The following KLHL22 variants were observed in gnomAD, a reference collection of about 807,000 sequenced individuals.
KLHL22 encodes the protein kelch-like protein 22.
A neutral mutation model predicts 60.7 loss-of-function variants in KLHL22; 18 were observed. That is an observed-to-expected ratio of 0.30 (90% CI 0.20 to 0.44). KLHL22 has a LOEUF of 0.44. KLHL22 is among the 20% of genes least tolerant of loss of function. The pLI is 1.00. For synonymous variants in KLHL22, 355 were observed against 354.5 expected (o/e 1.00, Z -0.01); for missense variants, 596 against 852.3 (o/e 0.70, Z 3.74).
Position 20,481,385 on chromosome 22 carries a change from G to A in KLHL22, c.227+7600C>T, listed in dbSNP as rs545553669. ...TCAGGAGTTCAAGACCAGCCTGGCC[G>A]ACATGGTGAAACCCTGTCTCTTTCA... On this transcript the variant is annotated intron_variant, in intron 2 of 6. Coordinates refer to ENST00000328879, the MANE Select transcript of KLHL22 (RefSeq NM_032775.4). 2.1e-3 allele frequency: 314 copies of A among 151,848 alleles called. 1 individual carries two copies. The highest frequency in any genetic ancestry group is 9.8e-3 in the South Asian group (47 of 4,796). 9.4% of individuals were successfully genotyped at this position (151,848 alleles called of 1,614,324 possible). A position where few individuals can be genotyped will look rare whatever the true frequency, so the allele number is the denominator to read the frequency against.
chr22:20,489,357 C>G, intron 1 of KLHL22, 113 bp from the exon 2 acceptor site: 1 of 738,790 alleles, frequency 1.4e-6, no homozygotes. Flanking sequence ...TCAGGCTCAC[C>G]TGTTTTCCCT....
intron 5 of KLHL22, chr22:20,450,159 A>T (rs2052952522): frequency 1.3e-6 from 1 of 795,214 alleles, no homozygotes; most frequent in Non-Finnish European, 2.3e-6. Context: ...ATAATGACAA[A>T]TACTCATGCT....
chr22:20,471,625 G>A (rs1347138503), intron 2 of KLHL22, 110 bp from the exon 3 acceptor site: 1 of 1,167,428 alleles, frequency 8.6e-7, no homozygotes, highest in Non-Finnish European at 1.2e-6. Context: ...GCAGGGCCCT[G>A]GTAGTGGGCT....
rs1459117481 is a variant in KLHL22, at chr22:20,442,056, T to C, written c.*17A>G. ...CAGCCCCAGCCTCCCTTCCCTCTGA[T>C]GCCAGGCACAGGGAGCCTAGTCCTC... On this transcript the variant is annotated 3_prime_UTR_variant, in exon 7 of 7. Coordinates refer to ENST00000328879, the MANE Select transcript of KLHL22 (RefSeq NM_032775.4). The C allele has an allele frequency of 6.7e-6, 10 of 1,491,950 alleles. No homozygotes were observed. The highest frequency in any genetic ancestry group is 6.2e-6 in the Non-Finnish European group (7 of 1,120,302). The allele number at this position is 1,491,950 out of a possible 1,614,324, so 92.4% of individuals were successfully genotyped here. A position where few individuals can be genotyped will look rare whatever the true frequency, so the allele number is the denominator to read the frequency against.
chr22:20,462,112 CA>C (rs1437373653), intron 4 of KLHL22, among the ~76,000 whole-genome samples: 3 of 149,048 alleles, frequency 2.0e-5, no homozygotes, highest in Non-Finnish European at 4.5e-5. Context: ...AACAAAAAAA[CA>C]AAAAAACAAA....
intron 2 of KLHL22, among the ~76,000 whole-genome samples, chr22:20,472,328 C>T (rs1384903049): frequency 1.1e-4 from 16 of 152,320 alleles, no homozygotes; most frequent in Admixed American, 9.8e-4. Flanking sequence ...CGGTGGCTCA[C>T]GCCTCTAATC....
rs1338267056 is a variant in KLHL22 at position 20,489,018 on chromosome 22, C to T, written c.194G>A (p.Arg65His). 6 of 1,613,796 alleles carry T rather than the reference C, an allele frequency of 3.7e-6. No individual in the cohort carries two copies. The highest frequency in any genetic ancestry group is 1.1e-5 in the South Asian group (1 of 91,088). ...ATCGCAGGACGCAGCCAGCAGGATG[C>T]GATGGGCCTCGATGTGTCTGCCCTC... is the stretch of plus-strand genomic sequence containing the variant. ...VVEGRHIEAH[R>H]ILLAASCDYF... is the part of the protein sequence containing the mutation. Residue 65 changes from arginine (R) to histidine (H), a missense_variant, in exon 2 of 7, where the codon CGC (arginine) becomes CAC (histidine). Arg to His is a conservative substitution (Grantham distance 29). Transcript: ENST00000328879.
At chr22:20,474,460 C>T (rs1374575697) in intron 2 of KLHL22, among the ~76,000 whole-genome samples, 9 of 151,538 alleles carry the variant, frequency 5.9e-5, no homozygotes, top group African/African-American at 2.2e-4. Flanking sequence ...GGTGCAATCT[C>T]GGCTCACTGC....
At chr22:20,475,204 C>G (rs1156520096) in intron 2 of KLHL22, 1 of 133,756 alleles carries the variant, frequency 7.5e-6, no homozygotes, top group African/African-American at 2.8e-5. Flanking sequence ...TTTTTTTAAA[C>G]AAGTCTAGTC....
intron 6 of KLHL22, among the ~76,000 whole-genome samples, chr22:20,445,603 G>A (rs2052846632): frequency 3.3e-5 from 5 of 152,182 alleles, no homozygotes; most frequent in Admixed American, 3.3e-4. Context: ...TTTGAATAGA[G>A]ACAGGGTCTC....
At chr22:20,494,683 T>A (rs980500133) in intron 1 of KLHL22, among the ~76,000 whole-genome samples, 1 of 152,064 alleles carries the variant, frequency 6.6e-6, no homozygotes, top group Non-Finnish European at 1.5e-5. Flanking sequence ...GCCCCCAGTC[T>A]CATATCCCCA....
At chr22:20,447,551 T>C (rs916515839) in intron 5 of KLHL22, among the ~76,000 whole-genome samples, 30 of 150,158 alleles carry the variant, frequency 2.0e-4, no homozygotes, top group African/African-American at 6.6e-4. Flanking sequence ...TTTCTTTTTT[T>C]TTTTTTTTTT....
At chr22:20,469,853 T>C (rs2053286842) in intron 3 of KLHL22, among the ~76,000 whole-genome samples, 1 of 152,042 alleles carries the variant, frequency 6.6e-6, no homozygotes, top group Non-Finnish European at 1.5e-5. Flanking sequence ...AGCATTTTGT[T>C]TCACTTTTAA....
In KLHL22 at chr22:20,446,474, T is replaced by C; in HGVS notation, c.1508A>G (p.Asn503Ser). 1 of 1,611,592 alleles carries C rather than the reference T, an allele frequency of 6.2e-7. No homozygotes were observed. The highest frequency in any genetic ancestry group is 8.5e-7 in the Non-Finnish European group (1 of 1,179,494). Reference sequence around the variant, plus strand: ...CACGTCCCTCCTGTATCCGGCATCGTTGTTGCTGCCCCCGATCACATACAG... The same window carrying C: ...CACGTCCCTCCTGTATCCGGCATCGCTGTTGCTGCCCCCGATCACATACAG... ...NKLYVIGGSN[N>S]DAGYRRDVHQ... Residue 503 changes from asparagine (N) to serine (S), a missense_variant, in exon 6 of 7, where the codon AAC becomes AGC. Transcript: ENST00000328879.
At position 20,464,281 on chromosome 22, in the gene KLHL22, C is replaced by T. The variant is rs1023974847; in HGVS notation, c.1112+577G>A. ...GTGCGTGGCAGACTGCAGGGCAGAG[C>T]GGAAATGTAGCATGAGGCTCGGTGA... On this transcript the variant is annotated intron_variant, in intron 4 of 6. Transcript: ENST00000328879. Among the ~76,000 whole-genome samples the T allele has an allele frequency of 4.6e-5, 7 of 152,318 alleles. No homozygotes were observed. The South Asian group carries it at 6.2e-4, about 14-fold the overall frequency.
At chr22:20,471,272 TGCCCG>T in intron 3 of KLHL22, 73 bp downstream of exon 3, 6 of 1,397,354 alleles carry the variant, frequency 4.3e-6, no homozygotes, top group Non-Finnish European at 5.9e-6. Flanking sequence ...CCAATGCTAG[TGCCCG>T]GCAGGCATCA....
chr22:20,470,747 C>T (rs2053306757), intron 3 of KLHL22, among the ~76,000 whole-genome samples: 1 of 128,696 alleles, frequency 7.8e-6, no homozygotes, highest in Non-Finnish European at 1.7e-5. Flanking sequence ...TGGATGGATG[C>T]CTGCCACCAT....
At chr22:20,479,967 T>A (rs1171386765) in intron 2 of KLHL22, among the ~76,000 whole-genome samples, 1 of 152,108 alleles carries the variant, frequency 6.6e-6, no homozygotes, top group African/African-American at 2.4e-5. Flanking sequence ...CCTTGATAGG[T>A]GAATAGACAA....
Position 20,442,392 on chromosome 22 carries a change from G to A in KLHL22, c.1586C>T (p.Pro529Leu), listed in dbSNP as rs1311679761. ...CTSGQWSSVCPLPAGHGEPGI... is the reference protein window; with the variant it reads ...CTSGQWSSVCLLPAGHGEPGI... ...AGGCTCACCGTGCCCAGCAGGGAGT[G>A]GGCAGACAGATGACCACTGTCCAGA... Residue 529 changes from proline to leucine, a missense_variant, in exon 7 of 7, where the codon CCA (proline) becomes CTA (leucine). Pro to Leu is a moderately conservative substitution (Grantham distance 98). Coordinates refer to ENST00000328879, the MANE Select transcript of KLHL22 (RefSeq NM_032775.4). The A allele has an allele frequency of 1.2e-6, 2 of 1,612,430 alleles. No homozygotes were observed. Among genetic ancestry groups the A allele is most frequent in the East Asian group, 2.2e-5 (1 of 44,860 alleles).
Sources: allele counts gnomAD v4.1 joint callset (sites outside exome capture counted in the v4.1 genomes callset), GRCh38; gene constraint gnomAD v4.1.1; transcripts MANE v1.5; gene names NCBI Gene and HGNC (gene_info 2026-07-23, HGNC 2026-07-21).